Variants in GRAMD4 observed in about 807,000 individuals in gnomAD.
The protein encoded by GRAMD4 is GRAM domain containing 4.
Under a neutral mutation model 83.9 loss-of-function variants are expected in GRAMD4, and 25 were observed. The observed-to-expected ratio is 0.30, with a 90% CI of 0.22 to 0.42. The LOEUF (loss-of-function observed/expected upper bound fraction) is 0.42. Ranked by LOEUF, GRAMD4 falls within the 10% of genes least tolerant of loss-of-function variation. The pLI, the probability that GRAMD4 is intolerant of heterozygous loss-of-function variation, is 1.00. For synonymous variants in GRAMD4, 336 were observed against 320.9 expected (o/e 1.05, Z -0.50); for missense variants, 593 against 788.7 (o/e 0.75, Z 2.97).
rs768136956 is a variant in GRAMD4, at chr22:46,674,763, G to A, written c.1478+13G>A. ...ACGTCACGGAGAAGTGAGTGCAGCC[G>A]TGGGGCCCTGTGTGGCTGCAGGGGA... On this transcript the variant is annotated intron_variant, in intron 16 of 18. Transcript: ENST00000406902. 3.8e-5 allele frequency: 60 copies of A among 1,564,516 alleles called. No homozygotes were observed. Among genetic ancestry groups the A allele is most frequent in the Admixed American group, 3.7e-4 (22 of 59,966 alleles).
At chr22:46,668,949 G>C (rs986927099) in intron 13 of GRAMD4, 41 bp downstream of exon 13, 1 of 1,144,132 alleles carries the variant, frequency 8.7e-7, no homozygotes, top group East Asian at 2.3e-5. Flanking sequence ...CAGGAGGAGG[G>C]ACACAGGTGT....
intron 1 of GRAMD4, among the ~76,000 whole-genome samples, chr22:46,577,950 A>T (rs1414047738): frequency 6.6e-6 from 1 of 152,022 alleles, no homozygotes; most frequent in African/African-American, 2.4e-5. Flanking sequence ...CAGGACCTGC[A>T]CCCCTGCCAG....
At chr22:46,603,825 C>G (rs1444767041) in intron 1 of GRAMD4, among the ~76,000 whole-genome samples, 1 of 152,160 alleles carries the variant, frequency 6.6e-6, no homozygotes, top group Non-Finnish European at 1.5e-5. Flanking sequence ...TCGGCCTCTT[C>G]TCTTTTATTG....
chr22:46,670,967 C>A lies in GRAMD4; in HGVS notation c.1085-1876C>A, dbSNP rs561850658. Reference sequence around the variant, plus strand: ...TCTCACAACCACCCTGAGATCACCACTGCCACTGGGCAGCGGTGACCCTGC... The same window carrying A: ...TCTCACAACCACCCTGAGATCACCAATGCCACTGGGCAGCGGTGACCCTGC... On this transcript the variant is annotated intron_variant, in intron 13 of 18. Transcript: ENST00000406902. 9.4e-6 allele frequency: 3 copies of A among 320,048 alleles called. No homozygotes were observed. In the East Asian group the frequency reaches 3.0e-4, roughly 32 times the overall value. 19.8% of individuals were successfully genotyped at this position (320,048 alleles called of 1,614,324 possible). A position where few individuals can be genotyped will look rare whatever the true frequency, so the allele number is the denominator to read the frequency against.
At chr22:46,575,994 C>T (rs118045672), upstream of GRAMD4, 1,428 of 152,902 alleles carry the variant, frequency 9.3e-3, 64 homozygotes, top group East Asian at 0.11. Flanking sequence ...AGCTGGGGCC[C>T]TTGAGACAGA....
chr22:46,626,086 C>T (rs1336014609), intron 1 of GRAMD4, among the ~76,000 whole-genome samples: 4 of 152,130 alleles, frequency 2.6e-5, no homozygotes, highest in Non-Finnish European at 5.9e-5. Context: ...GGTCGCATGG[C>T]GAGTAGGAAC....
Position 46,660,123 on chromosome 22 carries a change from C to T in GRAMD4, c.405-1258C>T, listed in dbSNP as rs78641835. Among the ~76,000 whole-genome samples the T allele has an allele frequency of 4.9e-3, 747 of 152,332 alleles. 7 individuals are homozygous for T. Among genetic ancestry groups the T allele is most frequent in the African/African-American group, 0.017 (719 of 41,566 alleles). On this transcript the variant is annotated intron_variant, in intron 4 of 18. Transcript: ENST00000406902. ...CCAGGATCTGGTCCTCATCTTTTAC[C>T]AAAGCCCCTTGGTGGCAGGTGTGCC...
intron 1 of GRAMD4, among the ~76,000 whole-genome samples, chr22:46,603,991 C>T (rs574479098): frequency 1.8e-4 from 28 of 152,274 alleles, no homozygotes; most frequent in African/African-American, 6.7e-4. Context: ...GCAGAGCCAG[C>T]CTTATCTTTT....
At chr22:46,588,101 C>G (rs117479378) in intron 1 of GRAMD4, among the ~76,000 whole-genome samples, 1 of 151,818 alleles carries the variant, frequency 6.6e-6, no homozygotes, top group Non-Finnish European at 1.5e-5. Flanking sequence ...GAGCCGCCTT[C>G]GGGGGCTCTG....
rs2082646390 is a variant in GRAMD4 at position 46,679,528 on chromosome 22, C to T, written c.*2277C>T. 5.1e-6 allele frequency: 5 copies of T among 985,446 alleles called. No individual in the cohort carries two copies. The highest frequency in any genetic ancestry group is 9.4e-5 in the South Asian group (2 of 21,286). The allele number at this position is 985,446 out of a possible 1,614,324, so 61.0% of individuals were successfully genotyped here. A position where few individuals can be genotyped will look rare whatever the true frequency, so the allele number is the denominator to read the frequency against. On this transcript the variant is annotated 3_prime_UTR_variant, in exon 19 of 19. Coordinates refer to ENST00000406902, the MANE Select transcript of GRAMD4 (RefSeq NM_015124.5). Reference sequence around the variant, plus strand: ...TTTTACCAAATTGTGTACATCTGGGCAGATGTTTAATTTCTGTGACTAATC... The same window carrying T: ...TTTTACCAAATTGTGTACATCTGGGTAGATGTTTAATTTCTGTGACTAATC...
chr22:46,594,319 G>T (rs2081239485), intron 1 of GRAMD4, among the ~76,000 whole-genome samples: 1 of 138,804 alleles, frequency 7.2e-6, no homozygotes, highest in South Asian at 2.6e-4. Context: ...CCTCCTCCCT[G>T]CCCCTGTTTT....
intron 3 of GRAMD4, among the ~76,000 whole-genome samples, chr22:46,641,121 G>A (rs561390962): frequency 4.6e-5 from 7 of 151,956 alleles, no homozygotes; most frequent in Non-Finnish European, 8.8e-5. Flanking sequence ...CGCCCAGGCC[G>A]GAGTGCAGTG....
intron 17 of GRAMD4, 64 bp downstream of exon 17, chr22:46,675,616 G>A (rs1368377017): frequency 7.3e-6 from 8 of 1,089,168 alleles, no homozygotes; most frequent in East Asian, 7.0e-5. Context: ...AGAGGCTGGC[G>A]AGGCTTTCCC....
upstream of GRAMD4, among the ~76,000 whole-genome samples, chr22:46,615,742 C>T (rs1216035569): frequency 6.6e-5 from 2 of 30,180 alleles, no homozygotes; most frequent in Non-Finnish European, 6.2e-5. Flanking sequence ...GTGTAGGTTC[C>T]CCTGTGCGTG....
At chr22:46,595,257 C>T (rs887479501) in intron 1 of GRAMD4, among the ~76,000 whole-genome samples, 1 of 152,180 alleles carries the variant, frequency 6.6e-6, no homozygotes, top group Non-Finnish European at 1.5e-5. Flanking sequence ...CGGGTCTGCA[C>T]GCCTCAGGGT....
chr22:46,644,698 T>TTTTTTTTG (rs2082044201), intron 3 of GRAMD4, among the ~76,000 whole-genome samples: 3 of 2,538 alleles, frequency 1.2e-3, no homozygotes, highest in Admixed American at 5.2e-3. Context: ...TTGTTCCCTG[T>TTTTTTTTG]TTTTTTTTTT....
At chr22:46,681,961 C>G (rs1425354773), downstream of GRAMD4, among the ~76,000 whole-genome samples, 1 of 152,168 alleles carries the variant, frequency 6.6e-6, no homozygotes, top group Non-Finnish European at 1.5e-5. Flanking sequence ...ACTACAGGAG[C>G]CACAGACTAA....
In GRAMD4 at chr22:46,663,106, T is replaced by C. The variant is rs749565807; in HGVS notation, c.533T>C (p.Val178Ala). The C allele has an allele frequency of 1.5e-5, 24 of 1,611,954 alleles. No homozygotes were observed. The South Asian group carries it at 2.6e-4, about 18-fold the overall frequency. The change falls in exon 6 of 19, where the codon GTG (valine) becomes GCG (alanine). Residue 178 changes from valine to alanine, a missense_variant. Around this residue, in one of 4 missense-constraint regions of GRAMD4, gnomAD observed 312 missense variants for 350.7 expected, o/e 0.89. Coordinates refer to ENST00000406902, the MANE Select transcript of GRAMD4 (RefSeq NM_015124.5). ...KWFYERFGEY[V>A]EDFRFQPEEN... ...TTCTACGAGCGGTTTGGGGAGTACGTGGAGGACTTCCGGTTCCAGCCCGAG... is the reference window on the plus strand; with the variant it reads ...TTCTACGAGCGGTTTGGGGAGTACGCGGAGGACTTCCGGTTCCAGCCCGAG...
chr22:46,576,885 C>T (rs2081046569), upstream of GRAMD4, among the ~76,000 whole-genome samples: 8 of 146,286 alleles, frequency 5.5e-5, no homozygotes, highest in South Asian at 1.7e-3. Flanking sequence ...GTGCGAGCGG[C>T]GGGGGCGCAC....
Sources: gnomAD v4.1 joint callset for allele counts (sites outside exome capture counted in the v4.1 genomes callset) on GRCh38, gnomAD v4.1.1 for gene constraint, gnomAD v4.1.1 regional missense constraint, MANE v1.5 for transcripts, NCBI Gene and HGNC (gene_info 2026-07-23, HGNC 2026-07-21) for gene names.